The following CSMD1 variants were observed in gnomAD, a reference collection of about 807,000 sequenced individuals.
The protein encoded by CSMD1 is CUB and sushi domain-containing protein 1.
CSMD1 carries 213 observed loss-of-function variants against 417.5 expected under a neutral mutation model. That is an observed-to-expected ratio of 0.51 (90% CI 0.46 to 0.57). The LOEUF (loss-of-function observed/expected upper bound fraction) is 0.57, where lower values mean the gene tolerates loss of function less well. Among genes scored for constraint, CSMD1 ranks in the 20% least tolerant of loss-of-function variants. The probability of loss-of-function intolerance (pLI) is 0.00; values close to 1 mark genes in which losing one functional copy is unlikely to be tolerated. For synonymous variants in CSMD1, 2,862 were observed against 1,736.8 expected (o/e 1.65, Z -16.11); for missense variants, 6,923 against 4,529.7 (o/e 1.53, Z -15.17).
chr8:3,896,737 T>C (rs571874530), intron 5 of CSMD1, among the ~76,000 whole-genome samples: 1 of 152,162 alleles, frequency 6.6e-6, no homozygotes, highest in East Asian at 1.9e-4. Flanking sequence ...GTCTCGATCC[T>C]GAATATGTTT....
At chr8:3,827,093 C>T (rs1312658097) in intron 5 of CSMD1, among the ~76,000 whole-genome samples, 1 of 152,138 alleles carries the variant, frequency 6.6e-6, no homozygotes, top group Non-Finnish European at 1.5e-5. Context: ...GAAACAATAT[C>T]TTCTCTATTT....
intron 3 of CSMD1, among the ~76,000 whole-genome samples, chr8:4,168,786 C>A (rs775309974): frequency 1.3e-5 from 2 of 152,060 alleles, no homozygotes; most frequent in African/African-American, 4.8e-5. Context: ...ATAAAACTCT[C>A]CTCTTCCCTT....
chr8:4,756,562 G>A (rs1811679655), intron 1 of CSMD1, among the ~76,000 whole-genome samples: 1 of 152,148 alleles, frequency 6.6e-6, no homozygotes, highest in Non-Finnish European at 1.5e-5. Flanking sequence ...TAATGCTATT[G>A]AAATAGAGCA....
At chr8:4,589,358 A>G (rs769057746) in intron 2 of CSMD1, among the ~76,000 whole-genome samples, 1 of 152,220 alleles carries the variant, frequency 6.6e-6, no homozygotes, top group South Asian at 2.1e-4. Context: ...AGTATTAACC[A>G]TAATATCTCA....
intron 3 of CSMD1, among the ~76,000 whole-genome samples, chr8:4,100,981 A>C (rs1407131945): frequency 6.6e-6 from 1 of 152,192 alleles, no homozygotes; most frequent in African/African-American, 2.4e-5. Flanking sequence ...CACAATACTG[A>C]AATCTGAACT....
rs560132083 is a variant in CSMD1, at chr8:4,221,671, C to T, written c.416-189572G>A. On this transcript the variant is annotated intron_variant, in intron 3 of 69. Coordinates refer to ENST00000635120, the MANE Select transcript of CSMD1 (RefSeq NM_033225.6). ...ACCATCCCCTACTTGACAGGAGAGGCACTGCCATTCCCACATTCCAGCAAT... is the reference window on the plus strand; with the variant it reads ...ACCATCCCCTACTTGACAGGAGAGGTACTGCCATTCCCACATTCCAGCAAT... Among the ~76,000 whole-genome samples the T allele has an allele frequency of 9.9e-5, 15 of 152,252 alleles. 1 individual carries two copies. The South Asian group carries it at 2.9e-3, about 29-fold the overall frequency.
At chr8:3,920,551 G>T (rs538925166) in intron 5 of CSMD1, among the ~76,000 whole-genome samples, 31 of 152,044 alleles carry the variant, frequency 2.0e-4, no homozygotes, top group Non-Finnish European at 7.4e-5. Context: ...AACTTGTCTT[G>T]TTCTTAAATT....
At chr8:3,696,330 C>G (rs983300200) in intron 7 of CSMD1, among the ~76,000 whole-genome samples, 1 of 152,196 alleles carries the variant, frequency 6.6e-6, no homozygotes, top group Non-Finnish European at 1.5e-5. Flanking sequence ...AAGCACTTCA[C>G]TAATTACCCA....
intron 1 of CSMD1, among the ~76,000 whole-genome samples, chr8:4,648,700 T>C (rs1803691390): frequency 6.6e-6 from 1 of 152,224 alleles, no homozygotes. Context: ...CATTTACAGT[T>C]GTGCTTTTCC....
intron 1 of CSMD1, among the ~76,000 whole-genome samples, chr8:4,762,530 AT>A (rs1286536713): frequency 1.3e-5 from 2 of 152,142 alleles, no homozygotes; most frequent in Non-Finnish European, 2.9e-5. Flanking sequence ...CCTAAAAAAC[AT>A]CAAAAAAGTA....
rs568005445 is a variant in CSMD1 at position 4,057,606 on chromosome 8, C to A, written c.416-25507G>T. On this transcript the variant is annotated intron_variant, in intron 3 of 69. Coordinates refer to ENST00000635120, the MANE Select transcript of CSMD1 (RefSeq NM_033225.6). ...TGGTGTTATAGACATGAAGTCCTTG[C>A]CCATGCCTATGTCCTGAATGGTAAT... is the stretch of plus-strand genomic sequence containing the variant. Among the ~76,000 whole-genome samples the A allele has an allele frequency of 1.3e-4, 20 of 151,710 alleles. No individual in the cohort carries two copies. The East Asian group carries it at 3.5e-3, about 27-fold the overall frequency.
intron 5 of CSMD1, among the ~76,000 whole-genome samples, chr8:3,838,714 TATATAATAAATTAATATTATATA>T (rs1802878967): frequency 1.1e-5 from 1 of 91,668 alleles, no homozygotes; most frequent in Non-Finnish European, 1.9e-5. Context: ...TATAGTATAA[TATATAATAAATTAATATTATATA>T]GTATAATATA....
At chr8:4,981,383 A>T (rs1810880163) in intron 1 of CSMD1, among the ~76,000 whole-genome samples, 1 of 152,142 alleles carries the variant, frequency 6.6e-6, no homozygotes, top group Non-Finnish European at 1.5e-5. Flanking sequence ...GACTGATAGG[A>T]CCGAATTATC....
At chr8:3,510,845 T>C (rs776841314) in intron 10 of CSMD1, among the ~76,000 whole-genome samples, 1 of 151,830 alleles carries the variant, frequency 6.6e-6, no homozygotes, top group Non-Finnish European at 1.5e-5. Context: ...CCCCCACTTT[T>C]TGATGGGGTT....
intron 3 of CSMD1, among the ~76,000 whole-genome samples, chr8:4,333,756 C>T (rs1366831062): frequency 1.3e-5 from 2 of 152,104 alleles, no homozygotes; most frequent in Non-Finnish European, 2.9e-5. Context: ...CCGCTGCCTG[C>T]CACGGGTAGG....
chr8:4,831,691 C>G (rs1182960723), intron 1 of CSMD1, among the ~76,000 whole-genome samples: 1 of 152,110 alleles, frequency 6.6e-6, no homozygotes, highest in Non-Finnish European at 1.5e-5. Flanking sequence ...ATGAAATGGT[C>G]AATAAATATT....
chr8:3,211,443 G>C (rs1291546799), intron 30 of CSMD1, among the ~76,000 whole-genome samples: 1 of 152,186 alleles, frequency 6.6e-6, no homozygotes, highest in Admixed American at 6.5e-5. Flanking sequence ...GGCAGAGATC[G>C]AGGTTGCATG....
chr8:3,795,881 T>G (rs1196300908), intron 5 of CSMD1, among the ~76,000 whole-genome samples: 1 of 69,798 alleles, frequency 1.4e-5, no homozygotes. Context: ...TAGATATATA[T>G]CTATCATGTA....
chr8:4,157,009 G>T (rs1017177634), intron 3 of CSMD1, among the ~76,000 whole-genome samples: 2 of 152,130 alleles, frequency 1.3e-5, no homozygotes, highest in Non-Finnish European at 2.9e-5. Context: ...AAGTAGGGGT[G>T]GTGGCCAGGC....
Sources: gnomAD v4.1 joint callset for allele counts (sites outside exome capture counted in the v4.1 genomes callset) on GRCh38, gnomAD v4.1.1 for gene constraint, MANE v1.5 for transcripts, NCBI Gene and HGNC (gene_info 2026-07-23, HGNC 2026-07-21) for gene names.